CEP95: variants seen among roughly 807,000 people sequenced by gnomAD.
CEP95 encodes the protein centrosomal protein 95.
In CEP95, 98 loss-of-function variants were observed where a neutral mutation model predicts 111.2. The observed-to-expected ratio is 0.88, with a 90% CI of 0.75 to 1.04. The LOEUF is 1.04. CEP95 is among the 50% of genes least tolerant of loss of function. CEP95 has a pLI of 0.00. For missense variants in CEP95, 1,027 were observed against 977.2 expected (o/e 1.05, Z -0.68); for synonymous variants, 323 against 327.1 (o/e 0.99, Z 0.14).
In CEP95 at chr17:64,521,385, A is replaced by T. The variant is rs537402972; in HGVS notation, c.590-17A>T. 1 of 1,590,708 alleles carries T rather than the reference A, an allele frequency of 6.3e-7. No individual in the cohort carries two copies. Among genetic ancestry groups the T allele is most frequent in the South Asian group, 1.1e-5 (1 of 87,708 alleles). ...TTTGATAGTTAAAAATTTTACCTTT[A>T]ATATTTTCTTTCCTAGGTGCTCAAT... On this transcript the variant is annotated splice_polypyrimidine_tract_variant and intron_variant, in intron 6 of 19. Coordinates refer to ENST00000556440, the MANE Select transcript of CEP95 (RefSeq NM_138363.3).
chr17:64,508,777 G>A (rs931312785), intron 2 of CEP95, 57 bp downstream of exon 2: 3 of 858,402 alleles, frequency 3.5e-6, no homozygotes, highest in Non-Finnish European at 4.8e-6. Flanking sequence ...AAAGTTTTTA[G>A]TCCTTTAGTT....
chr17:64,533,777 A>G (rs1472225339), intron 16 of CEP95, among the ~76,000 whole-genome samples: 1 of 152,166 alleles, frequency 6.6e-6, no homozygotes, highest in Non-Finnish European at 1.5e-5. Flanking sequence ...CTGATAAGCA[A>G]GGGACACAGC....
chr17:64,513,623 C>T (rs1555675643), intron 3 of CEP95, among the ~76,000 whole-genome samples: 1 of 151,970 alleles, frequency 6.6e-6, no homozygotes, highest in African/African-American at 2.4e-5. Flanking sequence ...ATATGCAGGG[C>T]TTATATTTCA....
chr17:64,510,063 G>C (rs1162929675), intron 2 of CEP95, 110 bp from the exon 3 acceptor site: 11 of 659,218 alleles, frequency 1.7e-5, no homozygotes, highest in Non-Finnish European at 3.0e-5. Context: ...TGTTCTGTTT[G>C]GGCAGAGCCT....
rs543474628 is a variant in CEP95 at position 64,508,968 on chromosome 17, A to G, written c.148+248A>G. On this transcript the variant is annotated intron_variant, in intron 2 of 19. Transcript: ENST00000556440. Reference sequence around the variant, plus strand: ...CCTTAAGGAATACCCTGTGGAACCCACTCATAATAACGGCCTTGAGCAGAT... The same window carrying G: ...CCTTAAGGAATACCCTGTGGAACCCGCTCATAATAACGGCCTTGAGCAGAT... Among the ~76,000 whole-genome samples, 38 of 152,206 alleles carry G rather than the reference A, an allele frequency of 2.5e-4. No homozygotes were observed. In the South Asian group the frequency reaches 3.7e-3, roughly 15 times the overall value.
Position 64,534,678 on chromosome 17 carries a change from G to T in CEP95, c.2011G>T (p.Asp671Tyr), listed in dbSNP as rs371279591. Residue 671 changes from aspartate to tyrosine, a missense_variant, in exon 17 of 20, where the codon GAT (aspartate) becomes TAT (tyrosine). Physicochemically the swap from Asp to Tyr is radical, Grantham distance 160. Coordinates refer to ENST00000556440, the MANE Select transcript of CEP95 (RefSeq NM_138363.3). Reference sequence around the variant, plus strand: ...AATCGTTCGTGCTCGAAAATATTATGATGATTATAGAGTTCAGTTGTGTGC... The same window carrying T: ...AATCGTTCGTGCTCGAAAATATTATTATGATTATAGAGTTCAGTTGTGTGC... Reference protein sequence around the residue: ...QQIVRARKYYDDYRVQLCAKM... With the variant: ...QQIVRARKYYYDYRVQLCAKM... The T allele has an allele frequency of 1.9e-5, 31 of 1,613,250 alleles. 1 individual carries two copies. The highest frequency in any genetic ancestry group is 1.6e-4 in the Middle Eastern group (1 of 6,080).
In CEP95 at chr17:64,509,975, A is replaced by G. The variant is rs2038805225; in HGVS notation, c.149-198A>G. Among the ~76,000 whole-genome samples, 3 of 152,160 alleles carry G rather than the reference A, an allele frequency of 2.0e-5. No individual in the cohort carries two copies. In the South Asian group the frequency reaches 6.2e-4, roughly 32 times the overall value. On this transcript the variant is annotated intron_variant, in intron 2 of 19. Transcript: ENST00000556440. Reference sequence around the variant, plus strand: ...CAGTCTAATATTGATAAATCGGTTCAATCAATAAATACTCAACCAGTAAAG... The same window carrying G: ...CAGTCTAATATTGATAAATCGGTTCGATCAATAAATACTCAACCAGTAAAG...
At chr17:64,519,528 T>C in intron 6 of CEP95, 92 bp downstream of exon 6, 1 of 873,562 alleles carries the variant, frequency 1.1e-6, no homozygotes. Flanking sequence ...TTGAGAAGAA[T>C]AGAGTGCTAA....
Position 64,507,000 on chromosome 17 carries a change from G to A in CEP95, c.-98G>A. Reference sequence around the variant, plus strand: ...TCCTTCCCCGCGCTTTGGTTCGTGCGTCCGCGCCCCAGTGTCGGGTCTGCG... The same window carrying A: ...TCCTTCCCCGCGCTTTGGTTCGTGCATCCGCGCCCCAGTGTCGGGTCTGCG... On this transcript the variant is annotated 5_prime_UTR_variant, in exon 1 of 20. Transcript: ENST00000556440. 1 of 1,417,536 alleles carries A rather than the reference G, an allele frequency of 7.1e-7. No individual in the cohort carries two copies. The highest frequency in any genetic ancestry group is 9.7e-7 in the Non-Finnish European group (1 of 1,025,756). The allele number at this position is 1,417,536 out of a possible 1,614,324, so 87.8% of individuals were successfully genotyped here.
At chr17:64,507,637 A>G in intron 1 of CEP95, 1 of 988,364 alleles carries the variant, frequency 1.0e-6, no homozygotes, top group Non-Finnish European at 1.2e-6. Flanking sequence ...GAGCGAATTA[A>G]TTTGGTTGTC....
intron 2 of CEP95, 136 bp from the exon 3 acceptor site, chr17:64,510,037 T>G (rs2038809004): frequency 1.6e-6 from 1 of 618,356 alleles, no homozygotes; most frequent in Non-Finnish European, 2.9e-6. Flanking sequence ...ATTAACTTTA[T>G]CTGTACTTTA....
At position 64,534,653 on chromosome 17, in the gene CEP95, A is replaced by G. The variant is rs782671342; in HGVS notation, c.1986A>G (p.Gln662=). 3 of 1,613,766 alleles carry G rather than the reference A, an allele frequency of 1.9e-6. No homozygotes were observed. The highest frequency in any genetic ancestry group is 1.3e-5 in the African/African-American group (1 of 74,920). Residue 662 remains glutamine, a synonymous_variant, in exon 17 of 20, where the codon CAA becomes CAG. Coordinates refer to ENST00000556440, the MANE Select transcript of CEP95 (RefSeq NM_138363.3). ...TQSKIKENRQ[Q]IVRARKYYDD... ...CAAAGATAAAAGAAAATCGACAGCAAATCGTTCGTGCTCGAAAATATTATG... is the reference window on the plus strand; with the variant it reads ...CAAAGATAAAAGAAAATCGACAGCAGATCGTTCGTGCTCGAAAATATTATG...
chr17:64,514,549 C>A, intron 4 of CEP95, 191 bp downstream of exon 4: 1 of 432,284 alleles, frequency 2.3e-6, no homozygotes, highest in Non-Finnish European at 4.1e-6. Flanking sequence ...TCATCATGTT[C>A]TTTATCAACT....
chr17:64,513,808 CT>C (rs2039008304), intron 3 of CEP95, among the ~76,000 whole-genome samples: 1 of 152,074 alleles, frequency 6.6e-6, no homozygotes, highest in African/African-American at 2.4e-5. Flanking sequence ...CTATAATCTT[CT>C]GAACAAACCA....
intron 17 of CEP95, chr17:64,535,545 A>C (rs1270892498): frequency 3.3e-5 from 5 of 152,216 alleles, no homozygotes; most frequent in Admixed American, 6.5e-5. Context: ...GTGATACATG[A>C]AAAGATAATG....
chr17:64,537,419 A>G, intron 19 of CEP95, 184 bp from the exon 20 acceptor site: 1 of 1,383,066 alleles, frequency 7.2e-7, no homozygotes, highest in Non-Finnish European at 9.3e-7. Context: ...AAGGCAATCC[A>G]TCTATGACCC....
chr17:64,532,557 A>G, intron 14 of CEP95: 1 of 1,196,014 alleles, frequency 8.4e-7, no homozygotes, highest in Non-Finnish European at 1.0e-6. Context: ...GTTTTACCGT[A>G]CGTAGAGAAT....
intron 1 of CEP95, chr17:64,507,655 C>T: frequency 1.0e-6 from 1 of 987,704 alleles, no homozygotes; most frequent in South Asian, 4.5e-5. Context: ...GTCTAGGACG[C>T]TTTCATCCTT....
rs781976217 is a variant in CEP95 at position 64,507,144 on chromosome 17, G to A, written c.19+28G>A. On this transcript the variant is annotated intron_variant, in intron 1 of 19. Transcript: ENST00000556440. ...GAGTGTCTCCCTGGGGTCCCAGTAT[G>A]TGTGGACTGAAACCGTCCACCTCCA... 6 of 1,551,436 alleles carry A rather than the reference G, an allele frequency of 3.9e-6. No individual in the cohort carries two copies. In the South Asian group the frequency reaches 5.9e-5, roughly 15 times the overall value.
Sources: allele counts gnomAD v4.1 joint callset (sites outside exome capture counted in the v4.1 genomes callset), GRCh38; gene constraint gnomAD v4.1.1; transcripts MANE v1.5; gene names NCBI Gene and HGNC (gene_info 2026-07-23, HGNC 2026-07-21).